PPP6R3: variants seen among roughly 807,000 people sequenced by gnomAD.
PPP6R3 encodes protein phosphatase 6 regulatory subunit 3, also known as serine/threonine-protein phosphatase 6 regulatory subunit 3.
Under a neutral mutation model 110.7 loss-of-function variants are expected in PPP6R3, and 38 were observed. The observed-to-expected ratio is 0.34, with a 90% CI of 0.26 to 0.45. The LOEUF is 0.45. PPP6R3 is among the 20% of genes least tolerant of loss of function. PPP6R3 has a pLI of 1.00. For missense variants in PPP6R3, 870 were observed against 1,062.4 expected (o/e 0.82, Z 2.52); for synonymous variants, 369 against 373.5 (o/e 0.99, Z 0.14).
At chr11:68,516,571 A>G (rs898744473) in intron 1 of PPP6R3, among the ~76,000 whole-genome samples, 2 of 152,186 alleles carry the variant, frequency 1.3e-5, no homozygotes, top group Non-Finnish European at 2.9e-5. Flanking sequence ...CGTCTCTACC[A>G]TACTTCACTT....
intron 1 of PPP6R3, among the ~76,000 whole-genome samples, chr11:68,512,267 T>C (rs1406549595): frequency 3.3e-5 from 5 of 152,234 alleles, no homozygotes; most frequent in Non-Finnish European, 7.3e-5. Context: ...AAGATCAAGC[T>C]TCTTGACAAT....
At chr11:68,575,425 A>G (rs578160020) in intron 13 of PPP6R3, among the ~76,000 whole-genome samples, 45 of 152,318 alleles carry the variant, frequency 3.0e-4, no homozygotes, top group Admixed American at 4.6e-4. Context: ...TTTAGGAAAC[A>G]TGATCTTAGA....
rs576211650 is a variant in PPP6R3 at position 68,507,551 on chromosome 11, A to G, written c.-157-11950A>G. ...GGTGTGCTAGGCATTGAAGGTAAAA[A>G]TGGTGAACAAGTCCTTGTAGAGATG... On this transcript the variant is annotated intron_variant, in intron 1 of 23. Coordinates refer to ENST00000393800, the MANE Select transcript of PPP6R3 (RefSeq NM_001164161.2). 2.2e-4 allele frequency among the ~76,000 whole-genome samples: 34 copies of G among 152,302 alleles called. No homozygotes were observed. In the South Asian group the frequency reaches 4.3e-3, roughly 19 times the overall value.
intron 23 of PPP6R3, among the ~76,000 whole-genome samples, chr11:68,612,726 CAT>C (rs1183580373): frequency 6.6e-6 from 1 of 152,116 alleles, no homozygotes; most frequent in Non-Finnish European, 1.5e-5. Flanking sequence ...GCGGTGAACA[CAT>C]AGCTCCTGAA....
chr11:68,495,675 C>A (rs1039131858), intron 1 of PPP6R3, among the ~76,000 whole-genome samples: 5 of 152,134 alleles, frequency 3.3e-5, no homozygotes, highest in Admixed American at 6.6e-5. Context: ...TCATTTCTTT[C>A]TTTTGTCAAA....
chr11:68,582,032 C>G (rs1348849704), intron 14 of PPP6R3, among the ~76,000 whole-genome samples: 2 of 152,186 alleles, frequency 1.3e-5, no homozygotes, highest in Non-Finnish European at 2.9e-5. Context: ...TTGAATTCTA[C>G]TGTGGGTTTA....
chr11:68,547,229 G>A (rs531336564), intron 4 of PPP6R3, among the ~76,000 whole-genome samples: 1 of 152,170 alleles, frequency 6.6e-6, no homozygotes, highest in East Asian at 1.9e-4. Context: ...GGGGTGTGGC[G>A]GTGGGGGTGA....
At position 68,544,731 on chromosome 11, in the gene PPP6R3, G is replaced by A. The variant is rs1284039468; in HGVS notation, c.228-107G>A. ...AATGATTTCCTGATTTCCAGTAAAC[G>A]ATTTTATTTTTTTCACAAAATCTTG... On this transcript the variant is annotated intron_variant, in intron 3 of 23. Transcript: ENST00000393800. 7 of 732,272 alleles carry A rather than the reference G, an allele frequency of 9.6e-6. No individual in the cohort carries two copies. The South Asian group carries it at 1.1e-4, about 11-fold the overall frequency. 45.4% of individuals were successfully genotyped at this position (732,272 alleles called of 1,614,324 possible).
rs2099529577 is a variant in PPP6R3, at chr11:68,575,951, T to G, written c.1460-7T>G. ...GATAATGCTTTTTTGCTTTTCTCAC[T>G]CTGAAGATCTTCCCGACGAAGTCAG... On this transcript the variant is annotated splice_region_variant and splice_polypyrimidine_tract_variant and intron_variant, in intron 13 of 23. Coordinates refer to ENST00000393800, the MANE Select transcript of PPP6R3 (RefSeq NM_001164161.2). 1.2e-6 allele frequency: 2 copies of G among 1,602,776 alleles called. No homozygotes were observed. The highest frequency in any genetic ancestry group is 1.1e-5 in the South Asian group (1 of 90,126).
rs766920719 is a variant in PPP6R3 at position 68,614,473 on chromosome 11, G to A, written c.*1356G>A. 3.3e-5 allele frequency: 46 copies of A among 1,376,234 alleles called. No individual in the cohort carries two copies. The highest frequency in any genetic ancestry group is 4.2e-5 in the Non-Finnish European group (45 of 1,068,434). The allele number at this position is 1,376,234 out of a possible 1,614,324, so 85.3% of individuals were successfully genotyped here. A position where few individuals can be genotyped will look rare whatever the true frequency, so the allele number is the denominator to read the frequency against. On this transcript the variant is annotated 3_prime_UTR_variant, in exon 24 of 24. Transcript: ENST00000393800. ...TATTTTTACATCATTTGTTTTTCCT[G>A]ACCAGTATTTAAAACCAAAAGGATA...
intron 7 of PPP6R3, among the ~76,000 whole-genome samples, chr11:68,554,906 G>A (rs2099393529): frequency 1.3e-5 from 2 of 152,074 alleles, no homozygotes; most frequent in Non-Finnish European, 2.9e-5. Flanking sequence ...TCTTGCTTCG[G>A]TTTACTTCTA....
intron 1 of PPP6R3, among the ~76,000 whole-genome samples, chr11:68,514,086 C>A (rs2099123941): frequency 1.3e-5 from 2 of 152,156 alleles, no homozygotes; most frequent in Non-Finnish European, 2.9e-5. Context: ...ATGAATGAAA[C>A]AAGGTCTTGC....
At chr11:68,568,395 CT>C (rs1253272042) in intron 10 of PPP6R3, among the ~76,000 whole-genome samples, 1 of 152,154 alleles carries the variant, frequency 6.6e-6, no homozygotes, top group African/African-American at 2.4e-5. Context: ...GATGAGACTA[CT>C]GGAGGAGTTA....
intron 1 of PPP6R3, among the ~76,000 whole-genome samples, chr11:68,516,861 T>C (rs960988251): frequency 2.6e-5 from 4 of 151,984 alleles, no homozygotes; most frequent in Non-Finnish European, 5.9e-5. Context: ...TTGACACTTA[T>C]TTCCTGTTTT....
At chr11:68,534,880 C>T (rs910834280) in intron 2 of PPP6R3, among the ~76,000 whole-genome samples, 1 of 152,232 alleles carries the variant, frequency 6.6e-6, no homozygotes, top group Non-Finnish European at 1.5e-5. Flanking sequence ...CAGCGAACCA[C>T]TTCTCTTCCT....
chr11:68,560,031 A>T (rs2099413470), intron 8 of PPP6R3, among the ~76,000 whole-genome samples: 1 of 152,034 alleles, frequency 6.6e-6, no homozygotes, highest in South Asian at 2.1e-4. Context: ...CTACAAGGCC[A>T]TCATTGCATT....
chr11:68,512,079 G>A (rs896421971), intron 1 of PPP6R3, among the ~76,000 whole-genome samples: 1 of 152,184 alleles, frequency 6.6e-6, no homozygotes, highest in Non-Finnish European at 1.5e-5. Flanking sequence ...GACCTGTTGA[G>A]ACTGTGTGTC....
rs767104341 is a variant in PPP6R3, at chr11:68,554,237, C to A, written c.711C>A (p.Pro237=). 1.9e-6 allele frequency: 3 copies of A among 1,612,036 alleles called. No individual in the cohort carries two copies. Among genetic ancestry groups the A allele is most frequent in the African/African-American group, 2.7e-5 (2 of 74,842 alleles). ...TTCAGAACAGTACAGAGCCCGACCC[C>A]CTGCTTGCCACTCTAGAAAAGTATG... ...LQIQNSTEPD[P]LLATLEKQEI... The change falls in exon 7 of 24, where the codon CCC becomes CCA. Residue 237 remains proline, a synonymous_variant. Coordinates refer to ENST00000393800, the MANE Select transcript of PPP6R3 (RefSeq NM_001164161.2).
In PPP6R3 at chr11:68,614,361, C is replaced by G. The variant is rs765401727; in HGVS notation, c.*1244C>G. The G allele has an allele frequency of 2.6e-5, 31 of 1,197,364 alleles. No individual in the cohort carries two copies. The highest frequency in any genetic ancestry group is 3.2e-5 in the Non-Finnish European group (31 of 960,968). 74.2% of individuals were successfully genotyped at this position (1,197,364 alleles called of 1,614,324 possible). A position where few individuals can be genotyped will look rare whatever the true frequency, so the allele number is the denominator to read the frequency against. ...AGCAATATATTGTATATTGCCATAT[C>G]GTCTGGTGAAAGGGTTAAATTACTT... On this transcript the variant is annotated 3_prime_UTR_variant, in exon 24 of 24. Transcript: ENST00000393800.
Sources: allele counts gnomAD v4.1 joint callset (sites outside exome capture counted in the v4.1 genomes callset), GRCh38; gene constraint gnomAD v4.1.1; transcripts MANE v1.5; gene names NCBI Gene and HGNC (gene_info 2026-07-23, HGNC 2026-07-21).